The following GSR variants were observed in gnomAD, a reference collection of about 807,000 sequenced individuals.
GSR encodes glutathione-disulfide reductase.
Under a neutral mutation model 56.5 loss-of-function variants are expected in GSR, and 48 were observed. That is an observed-to-expected ratio of 0.85 (90% CI 0.67 to 1.08). The LOEUF (loss-of-function observed/expected upper bound fraction) is 1.08, where lower values mean the gene tolerates loss of function less well. Ranked by LOEUF, GSR falls within the 50% of genes least tolerant of loss-of-function variation. The probability of loss-of-function intolerance (pLI) is 0.00; values close to 1 mark genes in which losing one functional copy is unlikely to be tolerated. For missense variants in GSR, 694 were observed against 703.3 expected (o/e 0.99, Z 0.15); for synonymous variants, 264 against 270.8 (o/e 0.97, Z 0.25).
At chr8:30,690,792 T>C (rs1364771511) in intron 8 of GSR, among the ~76,000 whole-genome samples, 1 of 152,180 alleles carries the variant, frequency 6.6e-6, no homozygotes, top group East Asian at 1.9e-4. Flanking sequence ...AGGCTGGACA[T>C]GGTGGCTCAC....
intron 10 of GSR, among the ~76,000 whole-genome samples, chr8:30,682,813 T>C (rs1295092880): frequency 6.6e-6 from 1 of 151,478 alleles, no homozygotes; most frequent in Non-Finnish European, 1.5e-5. Context: ...TTATTATTAT[T>C]ATCATTATTA....
Position 30,727,809 on chromosome 8 carries a change from G to T in GSR, c.27C>A (p.Ser9Arg). MALLPRAL[S>R]AGAGPSWRRA... ...GCCGCCAGCTCGGTCCCGCGCCGGC[G>T]CTCAGGGCTCGGGGCAGCAGGGCCA... Residue 9 changes from serine (S) to arginine (R), a missense_variant, in exon 1 of 13, where the codon AGC becomes AGA. By Grantham distance (110) the Ser-to-Arg change is moderately radical. Coordinates refer to ENST00000221130, the MANE Select transcript of GSR (RefSeq NM_000637.5). 1 of 1,301,170 alleles carries T rather than the reference G, an allele frequency of 7.7e-7. No individual in the cohort carries two copies. The highest frequency in any genetic ancestry group is 9.7e-7 in the Non-Finnish European group (1 of 1,027,418). The allele number at this position is 1,301,170 out of a possible 1,614,324, so 80.6% of individuals were successfully genotyped here.
chr8:30,701,181 T>TTGGCC (rs962786122), intron 5 of GSR, among the ~76,000 whole-genome samples: 5 of 152,262 alleles, frequency 3.3e-5, no homozygotes, highest in African/African-American at 9.6e-5. Context: ...ATTAAATATA[T>TTGGCC]TAGGCCAGGT....
chr8:30,719,706 A>G lies in GSR; in HGVS notation c.307-7618T>C, dbSNP rs184835404. Reference sequence around the variant, plus strand: ...CCGATCAGTGGGCCTGCTGGCATCAATCTAGTGTTCAGAATCCCGATCAGT... The same window carrying G: ...CCGATCAGTGGGCCTGCTGGCATCAGTCTAGTGTTCAGAATCCCGATCAGT... On this transcript the variant is annotated intron_variant, in intron 1 of 12. Transcript: ENST00000221130. 1.2e-3 allele frequency among the ~76,000 whole-genome samples: 182 copies of G among 152,156 alleles called. 2 individuals carry two copies. Among genetic ancestry groups the G allele is most frequent in the Non-Finnish European group, 1.6e-4 (11 of 68,020 alleles).
intron 6 of GSR, among the ~76,000 whole-genome samples, chr8:30,697,030 T>C (rs931584638): frequency 1.3e-5 from 2 of 152,044 alleles, no homozygotes; most frequent in Non-Finnish European, 2.9e-5. Context: ...TTTTTTTCTG[T>C]TCCAAGATCC....
At chr8:30,709,644 G>A (rs1208683595) in intron 3 of GSR, among the ~76,000 whole-genome samples, 170 bp downstream of exon 3, 2 of 152,124 alleles carry the variant, frequency 1.3e-5, no homozygotes, top group East Asian at 1.9e-4. Context: ...ATAACAATGT[G>A]AATGCGCTTA....
Position 30,679,266 on chromosome 8 carries a change from G to T in GSR, c.*254C>A. 1 of 491,082 alleles carries T rather than the reference G, an allele frequency of 2.0e-6. No individual in the cohort carries two copies. The highest frequency in any genetic ancestry group is 3.6e-6 in the Non-Finnish European group (1 of 275,834). The allele number at this position is 491,082 out of a possible 1,614,324, so 30.4% of individuals were successfully genotyped here. On this transcript the variant is annotated 3_prime_UTR_variant, in exon 13 of 13. Transcript: ENST00000221130. The stretch of plus-strand genomic sequence containing the variant: ...AAAACAGAAAAAAAAAACTAGCACA[G>T]AGCTGTTAATAAAAAAAAAACTTGA...
At position 30,700,117 on chromosome 8, in the gene GSR, G is replaced by C. The variant is rs1356568691; in HGVS notation, c.659C>G (p.Thr220Ser). ...TTCCAGCTGAAAAAATCCATCGCTG[G>C]TTATTCCTAAGCTGGCACCTATGTA... ...SQIPGASLGI[T>S]SDGFFQLEEL... Residue 220 changes from threonine to serine, a missense_variant, in exon 6 of 13, where the codon ACC (threonine) becomes AGC (serine). Coordinates refer to ENST00000221130, the MANE Select transcript of GSR (RefSeq NM_000637.5). 2 of 1,612,982 alleles carry C rather than the reference G, an allele frequency of 1.2e-6. No homozygotes were observed. Among genetic ancestry groups the C allele is most frequent in the African/African-American group, 2.7e-5 (2 of 74,890 alleles).
chr8:30,700,539 C>CATA (rs1803694306), intron 5 of GSR, among the ~76,000 whole-genome samples: 1 of 151,752 alleles, frequency 6.6e-6, no homozygotes, highest in Non-Finnish European at 1.5e-5. Flanking sequence ...GCCTGGCCAA[C>CATA]GTGGTGAAAC....
chr8:30,709,955 G>C (rs1057223079), intron 2 of GSR, 53 bp from the exon 3 acceptor site: 2 of 949,832 alleles, frequency 2.1e-6, no homozygotes, highest in African/African-American at 3.3e-5. Flanking sequence ...TCAGTCCTGA[G>C]GGAAAAAAGG....
intron 6 of GSR, among the ~76,000 whole-genome samples, chr8:30,696,738 C>A (rs1803556919): frequency 6.6e-6 from 1 of 152,166 alleles, no homozygotes; most frequent in African/African-American, 2.4e-5. Context: ...CTCTGTCACC[C>A]AGGCTGGAGT....
At chr8:30,725,808 G>A (rs969661719) in intron 1 of GSR, among the ~76,000 whole-genome samples, 4 of 150,140 alleles carry the variant, frequency 2.7e-5, no homozygotes, top group Admixed American at 2.7e-4. Context: ...CTTGAACCTG[G>A]GAGGCAGAGG....
intron 9 of GSR, chr8:30,687,446 G>A (rs1250926476): frequency 6.6e-6 from 1 of 151,912 alleles, no homozygotes; most frequent in African/African-American, 2.4e-5. Flanking sequence ...AGGAGTTCGA[G>A]ACCAGCCTGG....
intron 3 of GSR, among the ~76,000 whole-genome samples, chr8:30,708,560 G>A (rs889148170): frequency 2.0e-5 from 3 of 152,098 alleles, no homozygotes; most frequent in Admixed American, 6.6e-5. Flanking sequence ...CATACGATTC[G>A]GCAATTTCAC....
In GSR at chr8:30,679,550, G is replaced by C. The variant is rs558512007; in HGVS notation, c.1539C>G (p.Thr513=). 1 of 1,614,112 alleles carries C rather than the reference G, an allele frequency of 6.2e-7. No homozygotes were observed. The highest frequency in any genetic ancestry group is 8.5e-7 in the Non-Finnish European group (1 of 1,180,018). The change falls in exon 13 of 13, where the codon ACC becomes ACG. Residue 513 remains threonine, a synonymous_variant. Coordinates refer to ENST00000221130, the MANE Select transcript of GSR (RefSeq NM_000637.5). ...GAAGTGTGACCAGCTCTTCTGAAGAGGTAGGGTGAATGGCGACTGTGTTGT... is the reference window on the plus strand; with the variant it reads ...GAAGTGTGACCAGCTCTTCTGAAGACGTAGGGTGAATGGCGACTGTGTTGT... ...DFDNTVAIHP[T]SSEELVTLR
At chr8:30,713,025 A>G (rs558753805) in intron 1 of GSR, among the ~76,000 whole-genome samples, 1 of 152,308 alleles carries the variant, frequency 6.6e-6, no homozygotes, top group South Asian at 2.1e-4. Flanking sequence ...AGAAAAAGCA[A>G]GACTCAGAAA....
At chr8:30,687,409 G>C (rs1207482780) in intron 9 of GSR, 1 of 152,092 alleles carries the variant, frequency 6.6e-6, no homozygotes, top group Non-Finnish European at 1.5e-5. Context: ...ACTTTGAGAG[G>C]CCACGGTGGG....
intron 1 of GSR, among the ~76,000 whole-genome samples, chr8:30,716,520 C>T (rs1330962472): frequency 2.0e-5 from 3 of 152,178 alleles, no homozygotes; most frequent in African/African-American, 7.2e-5. Context: ...ACGAAAAGCA[C>T]ATTTAGGCTG....
intron 7 of GSR, among the ~76,000 whole-genome samples, chr8:30,695,212 G>T (rs949162745): frequency 1.2e-4 from 18 of 152,052 alleles, no homozygotes; most frequent in African/African-American, 4.3e-4. Flanking sequence ...AATGCTATGA[G>T]ATTTTTTTGC....
Sources: allele counts gnomAD v4.1 joint callset (sites outside exome capture counted in the v4.1 genomes callset), GRCh38; gene constraint gnomAD v4.1.1; transcripts MANE v1.5; gene names NCBI Gene and HGNC (gene_info 2026-07-23, HGNC 2026-07-21).